The following DPP6 variants were observed in gnomAD, a reference collection of about 807,000 sequenced individuals.
The protein encoded by DPP6 is A-type potassium channel modulatory protein DPP6.
Under a neutral mutation model 122.6 loss-of-function variants are expected in DPP6, and 69 were observed. The ratio of observed to expected loss-of-function variants is 0.56; its 90% confidence interval spans 0.46 to 0.69. DPP6 has a LOEUF of 0.69. Among genes scored for constraint, DPP6 ranks in the 30% least tolerant of loss-of-function variants. The pLI, the probability that DPP6 is intolerant of heterozygous loss-of-function variation, is 0.00. For synonymous variants in DPP6, 418 were observed against 433.1 expected (o/e 0.97, Z 0.43); for missense variants, 928 against 1,116.9 (o/e 0.83, Z 2.41).
intron 8 of DPP6, among the ~76,000 whole-genome samples, chr7:154,764,790 A>G (rs766407460): frequency 6.6e-6 from 1 of 152,132 alleles, no homozygotes; most frequent in Non-Finnish European, 1.5e-5. Context: ...CTACTTTACT[A>G]TACCCTAGGG....
intron 5 of DPP6, among the ~76,000 whole-genome samples, chr7:154,617,177 G>A (rs1483648699): frequency 6.6e-6 from 1 of 152,184 alleles, no homozygotes; most frequent in Non-Finnish European, 1.5e-5. Flanking sequence ...TGCACTTTGT[G>A]TTTGGTACAG....
At chr7:154,640,981 T>C (rs1250634671) in intron 6 of DPP6, among the ~76,000 whole-genome samples, 1 of 152,200 alleles carries the variant, frequency 6.6e-6, no homozygotes, top group Admixed American at 6.5e-5. Context: ...CTTCAGTCTT[T>C]GCAACCAGCC....
At chr7:154,320,843 A>G (rs1478505815) in intron 1 of DPP6, among the ~76,000 whole-genome samples, 1 of 152,160 alleles carries the variant, frequency 6.6e-6, no homozygotes, top group Non-Finnish European at 1.5e-5. Flanking sequence ...CTAGAGTTTT[A>G]GAGGAGGTAG....
chr7:154,296,332 C>CCCATAGT (rs1479180342), intron 1 of DPP6, among the ~76,000 whole-genome samples: 2 of 152,142 alleles, frequency 1.3e-5, no homozygotes, highest in African/African-American at 2.4e-5. Context: ...CCACACTATC[C>CCCATAGT]CCATAGTCCA....
the DPP6 span, among the ~76,000 whole-genome samples, chr7:153,851,414 G>T: frequency 2.0e-5 from 3 of 152,012 alleles, no homozygotes; most frequent in Non-Finnish European, 4.4e-5. Flanking sequence ...TTGATTCAAG[G>T]TTATTTTTTC....
the DPP6 span, among the ~76,000 whole-genome samples, chr7:153,845,895 A>T: frequency 6.6e-6 from 1 of 152,202 alleles, no homozygotes; most frequent in African/African-American, 2.4e-5. Flanking sequence ...CCCAGGTTTG[A>T]ATGCACCTTG....
rs111501387 is a variant in DPP6, at chr7:154,063,087, C to T, written c.243+10024C>T. Among the ~76,000 whole-genome samples the T allele has an allele frequency of 3.6e-3, 475 of 131,580 alleles. 30 individuals carry two copies. The highest frequency in any genetic ancestry group is 0.012 in the African/African-American group (419 of 36,218). The allele number at this position is 131,580 out of a possible 152,430, so 86.3% of individuals were successfully genotyped here. A position where few individuals can be genotyped will look rare whatever the true frequency, so the allele number is the denominator to read the frequency against. ...GGGGACTGAGAGCTATCCCCTCTTC[C>T]GCCCCTGGCTGTTAGTACCCCCATC... On this transcript the variant is annotated intron_variant, in intron 1 of 25. Transcript: ENST00000377770.
intron 1 of DPP6, among the ~76,000 whole-genome samples, chr7:154,229,305 C>A (rs1800783941): frequency 6.6e-6 from 1 of 152,148 alleles, no homozygotes; most frequent in Non-Finnish European, 1.5e-5. Flanking sequence ...TATTGCAATT[C>A]TTTGAGGAAA....
Position 154,346,396 on chromosome 7 carries a change from T to C in DPP6, c.244-99818T>C, listed in dbSNP as rs180711759. 8.1e-4 allele frequency among the ~76,000 whole-genome samples: 124 copies of C among 152,220 alleles called. No individual in the cohort carries two copies. In the East Asian group the frequency reaches 0.022, roughly 27 times the overall value. On this transcript the variant is annotated intron_variant, in intron 1 of 25. Coordinates refer to ENST00000377770, the MANE Select transcript of DPP6 (RefSeq NM_130797.4). ...ATCTCGGCTCACTGCAACCTCCACC[T>C]CCCAGGTTCAAGCGATTCTCCTGCC...
intron 1 of DPP6, among the ~76,000 whole-genome samples, chr7:153,914,265 C>T (rs1379437962): frequency 1.3e-5 from 2 of 152,162 alleles, no homozygotes; most frequent in African/African-American, 4.8e-5. Flanking sequence ...GATTGTGAGC[C>T]CTCCCCAGCC....
chr7:153,866,985 C>T, the DPP6 span, among the ~76,000 whole-genome samples: 1 of 152,146 alleles, frequency 6.6e-6, no homozygotes, highest in Non-Finnish European at 1.5e-5. Context: ...TTTCTGAGGG[C>T]TCTGTTCTGT....
the DPP6 span, among the ~76,000 whole-genome samples, chr7:153,821,763 T>C: frequency 1.4e-5 from 2 of 145,900 alleles, no homozygotes; most frequent in Non-Finnish European, 3.0e-5. Context: ...AGTATTTTAA[T>C]GCAGCCACGA....
the DPP6 span, among the ~76,000 whole-genome samples, chr7:153,833,428 C>T: frequency 3.6e-3 from 549 of 152,306 alleles, 1 homozygote; most frequent in Non-Finnish European, 6.6e-3. Flanking sequence ...AATCCCAGCA[C>T]TTTGGGAGGC....
chr7:154,286,831 A>C (rs1250775477), intron 1 of DPP6, among the ~76,000 whole-genome samples: 2 of 148,658 alleles, frequency 1.3e-5, no homozygotes, highest in Non-Finnish European at 3.0e-5. Context: ...CTTTTGAGAC[A>C]GTCTCACTCT....
At chr7:154,707,679 T>C (rs1039117091) in intron 7 of DPP6, among the ~76,000 whole-genome samples, 1 of 152,184 alleles carries the variant, frequency 6.6e-6, no homozygotes, top group African/African-American at 2.4e-5. Context: ...TCTGTATTAG[T>C]CTGTTACCAC....
chr7:154,401,984 A>AACAC (rs943333428), intron 1 of DPP6, among the ~76,000 whole-genome samples: 13 of 152,352 alleles, frequency 8.5e-5, no homozygotes, highest in Middle Eastern at 3.4e-3. Context: ...GCAGCCAAAA[A>AACAC]ACACATGAGA....
chr7:154,807,294 G>A lies in DPP6; in HGVS notation c.1666+182G>A, dbSNP rs1439255717. On this transcript the variant is annotated intron_variant, in intron 16 of 25. Transcript: ENST00000377770. ...GGTGCAAGATGACTGGACCCCCACA[G>A]AGCCTGGTGCAGTGGGGCTACTTTA... Among the ~76,000 whole-genome samples the A allele has an allele frequency of 3.3e-5, 5 of 152,132 alleles. No homozygotes were observed. In the East Asian group the frequency reaches 9.7e-4, roughly 29 times the overall value.
At chr7:153,984,479 G>A (rs1268091293) in intron 1 of DPP6, among the ~76,000 whole-genome samples, 1 of 152,180 alleles carries the variant, frequency 6.6e-6, no homozygotes, top group African/African-American at 2.4e-5. Flanking sequence ...GCAAATTCTG[G>A]TATCCTAAGA....
chr7:154,488,877 G>A (rs117656385), intron 3 of DPP6, among the ~76,000 whole-genome samples: 2,149 of 152,174 alleles, frequency 0.014, 23 homozygotes, highest in Non-Finnish European at 0.022. Flanking sequence ...TGCATCACTG[G>A]GACCTCATGA....
Sources: gnomAD v4.1 joint callset for allele counts (sites outside exome capture counted in the v4.1 genomes callset) on GRCh38, gnomAD v4.1.1 for gene constraint, MANE v1.5 for transcripts, NCBI Gene and HGNC (gene_info 2026-07-23, HGNC 2026-07-21) for gene names.